SKAP2: variants seen among roughly 807,000 people sequenced by gnomAD.
SKAP2 encodes the protein src kinase associated phosphoprotein 2.
In SKAP2, 28 loss-of-function variants were observed where a neutral mutation model predicts 54.9. The observed-to-expected ratio is 0.51, with a 90% CI of 0.38 to 0.70. SKAP2 has a LOEUF of 0.70. Ranked by LOEUF, SKAP2 falls within the 30% of genes least tolerant of loss-of-function variation. The probability of loss-of-function intolerance (pLI) is 0.00; values close to 1 mark genes in which losing one functional copy is unlikely to be tolerated. For synonymous variants in SKAP2, 137 were observed against 134.3 expected (o/e 1.02, Z -0.14); for missense variants, 356 against 424.1 (o/e 0.84, Z 1.41).
intron 4 of SKAP2, among the ~76,000 whole-genome samples, chr7:26,794,101 CA>C (rs1250360205): frequency 1.3e-5 from 2 of 152,080 alleles, no homozygotes; most frequent in Non-Finnish European, 2.9e-5. Context: ...AGCAGGAGCC[CA>C]ATTTTTTTTA....
At chr7:26,809,755 A>T (rs1159837936) in intron 4 of SKAP2, among the ~76,000 whole-genome samples, 3 of 152,228 alleles carry the variant, frequency 2.0e-5, no homozygotes, top group Non-Finnish European at 4.4e-5. Flanking sequence ...CACTTCTGGG[A>T]ATATATCCAA....
chr7:26,786,777 GAATATCTTTTTTTTCTGAACATATAATTA>G (rs1178913818), intron 4 of SKAP2, among the ~76,000 whole-genome samples: 1 of 152,106 alleles, frequency 6.6e-6, no homozygotes, highest in Non-Finnish European at 1.5e-5. Flanking sequence ...GACAGTTCTA[GAATATCTTTTTTTTCTGAACATATAATTA>G]TTTGACTTTA....
intron 4 of SKAP2, among the ~76,000 whole-genome samples, chr7:26,779,662 G>T (rs1783385304): frequency 6.6e-6 from 1 of 151,898 alleles, no homozygotes; most frequent in African/African-American, 2.4e-5. Context: ...TGATTTCAAG[G>T]CAATGAGAAA....
At chr7:26,834,773 G>A (rs1784671441) in intron 4 of SKAP2, among the ~76,000 whole-genome samples, 1 of 152,112 alleles carries the variant, frequency 6.6e-6, no homozygotes, top group African/African-American at 2.4e-5. Flanking sequence ...GGTACAAAGA[G>A]GATCTGGTAC....
intron 4 of SKAP2, among the ~76,000 whole-genome samples, chr7:26,820,001 A>G (rs920241018): frequency 6.6e-6 from 1 of 152,010 alleles, no homozygotes; most frequent in African/African-American, 2.4e-5. Flanking sequence ...AAGTTAAAAT[A>G]AAAGTGCTCA....
At chr7:26,786,220 T>C (rs1320476376) in intron 4 of SKAP2, among the ~76,000 whole-genome samples, 1 of 152,160 alleles carries the variant, frequency 6.6e-6, no homozygotes, top group Non-Finnish European at 1.5e-5. Context: ...AAGATTAACA[T>C]TTAATGTAAA....
chr7:26,842,439 C>T (rs1352448966), intron 4 of SKAP2, among the ~76,000 whole-genome samples: 2 of 151,656 alleles, frequency 1.3e-5, no homozygotes, highest in African/African-American at 4.8e-5. Context: ...CTTTTTCTAA[C>T]AAGCTACTGG....
At chr7:26,738,695 A>C (rs1782363657) in intron 6 of SKAP2, 100 bp downstream of exon 6, 2 of 661,822 alleles carry the variant, frequency 3.0e-6, no homozygotes, top group Non-Finnish European at 5.4e-6. Flanking sequence ...CTCAGTTATT[A>C]TTAGTTTGTC....
intron 3 of SKAP2, among the ~76,000 whole-genome samples, chr7:26,847,016 C>T (rs551347205): frequency 2.0e-5 from 3 of 152,096 alleles, no homozygotes; most frequent in Admixed American, 6.5e-5. Context: ...AAAAATAAAA[C>T]GCTTTTGGGT....
intron 4 of SKAP2, among the ~76,000 whole-genome samples, chr7:26,776,978 C>A (rs967553141): frequency 3.3e-5 from 5 of 152,162 alleles, no homozygotes; most frequent in Non-Finnish European, 2.9e-5. Context: ...TTCTGTCTCA[C>A]AAACCAGTGA....
At position 26,804,253 on chromosome 7, in the gene SKAP2, C is replaced by T. The variant is rs182503468; in HGVS notation, c.307+39777G>A. Among the ~76,000 whole-genome samples, 6 of 151,736 alleles carry T rather than the reference C, an allele frequency of 4.0e-5. No homozygotes were observed. In the East Asian group the frequency reaches 1.2e-3, roughly 29 times the overall value. On this transcript the variant is annotated intron_variant, in intron 4 of 12. Transcript: ENST00000345317. ...ATAAATGTATACATCTACTATATACCCACAAAATTTTTTAAAAAATAATTT... is the reference window on the plus strand; with the variant it reads ...ATAAATGTATACATCTACTATATACTCACAAAATTTTTTAAAAAATAATTT...
chr7:26,708,000 T>C (rs1036153460), intron 9 of SKAP2, among the ~76,000 whole-genome samples: 16 of 152,116 alleles, frequency 1.1e-4, no homozygotes, highest in African/African-American at 3.9e-4. Flanking sequence ...AGCACTCTCA[T>C]AGAGGTAAGG....
chr7:26,824,586 T>A (rs1784449640), intron 4 of SKAP2, among the ~76,000 whole-genome samples: 1 of 152,172 alleles, frequency 6.6e-6, no homozygotes, highest in Non-Finnish European at 1.5e-5. Context: ...CTGTCTCAAT[T>A]TTAAACCAAT....
intron 4 of SKAP2, among the ~76,000 whole-genome samples, chr7:26,745,495 G>C (rs544253876): frequency 7.9e-5 from 12 of 152,256 alleles, no homozygotes; most frequent in African/African-American, 2.6e-4. Context: ...CCACCTCCTG[G>C]GGGGAGATAG....
intron 2 of SKAP2, among the ~76,000 whole-genome samples, chr7:26,854,419 A>C (rs910276556): frequency 6.6e-6 from 1 of 152,056 alleles, no homozygotes; most frequent in African/African-American, 2.4e-5. Context: ...TATTACATTT[A>C]TTCATTTAAA....
chr7:26,801,124 T>C (rs1404793161), intron 4 of SKAP2, among the ~76,000 whole-genome samples: 1 of 152,180 alleles, frequency 6.6e-6, no homozygotes, highest in Non-Finnish European at 1.5e-5. Flanking sequence ...ACAAGCAATC[T>C]GAATTCAACA....
intron 4 of SKAP2, among the ~76,000 whole-genome samples, chr7:26,800,747 G>C (rs1468644733): frequency 6.6e-6 from 1 of 152,106 alleles, no homozygotes; most frequent in African/African-American, 2.4e-5. Context: ...GGAAAATCTG[G>C]AAGAAATGGA....
At chr7:26,765,042 G>T (rs986416173) in intron 4 of SKAP2, among the ~76,000 whole-genome samples, 2 of 152,156 alleles carry the variant, frequency 1.3e-5, no homozygotes, top group Admixed American at 6.5e-5. Context: ...CTAGATCCTT[G>T]AGAAATCACC....
At chr7:26,857,329 A>AC (rs1379346786) in intron 1 of SKAP2, 2 of 268,506 alleles carry the variant, frequency 7.4e-6, no homozygotes, top group African/African-American at 2.4e-5. Flanking sequence ...AAAAAAAAAA[A>AC]AAAAAACTTT....
Sources: allele counts gnomAD v4.1 joint callset (sites outside exome capture counted in the v4.1 genomes callset), GRCh38; gene constraint gnomAD v4.1.1; transcripts MANE v1.5; gene names NCBI Gene and HGNC (gene_info 2026-07-23, HGNC 2026-07-21).